SUSD5: variants seen among roughly 807,000 people sequenced by gnomAD.
SUSD5 encodes the protein sushi domain containing 5.
A neutral mutation model predicts 29.5 loss-of-function variants in SUSD5; 33 were observed. The ratio of observed to expected loss-of-function variants is 1.12; its 90% CI spans 0.85 to 1.49. The LOEUF (loss-of-function observed/expected upper bound fraction) is 1.49, where lower values mean the gene tolerates loss of function less well. SUSD5 is among the 40% of genes most tolerant of loss of function. SUSD5 has a pLI of 0.00. For missense variants in SUSD5, 776 were observed against 800.6 expected (o/e 0.97, Z 0.37); for synonymous variants, 308 against 325.3 (o/e 0.95, Z 0.57).
intron 4 of SUSD5, among the ~76,000 whole-genome samples, chr3:33,169,757 C>T (rs1470534694): frequency 6.6e-6 from 1 of 152,094 alleles, no homozygotes; most frequent in Admixed American, 6.5e-5. Flanking sequence ...TCAGAGGCGG[C>T]GAGGCTGGTG....
intron 4 of SUSD5, among the ~76,000 whole-genome samples, chr3:33,154,557 C>T (rs977313030): frequency 6.7e-6 from 1 of 149,736 alleles, no homozygotes; most frequent in Non-Finnish European, 1.5e-5. Context: ...AAAACAACAA[C>T]AACAAAAAAC....
At chr3:33,160,001 A>T (rs1160814616) in intron 4 of SUSD5, among the ~76,000 whole-genome samples, 2 of 152,214 alleles carry the variant, frequency 1.3e-5, no homozygotes, top group Non-Finnish European at 2.9e-5. Flanking sequence ...GATGGAGAGA[A>T]CCAGACCAGT....
intron 4 of SUSD5, among the ~76,000 whole-genome samples, chr3:33,166,030 A>G (rs903704651): frequency 2.8e-5 from 4 of 144,032 alleles, no homozygotes; most frequent in Non-Finnish European, 3.1e-5. Flanking sequence ...AAAAAAAAGG[A>G]AAGAAAAGGA....
At chr3:33,205,001 A>G (rs752333731) in intron 3 of SUSD5, among the ~76,000 whole-genome samples, 7 of 151,596 alleles carry the variant, frequency 4.6e-5, no homozygotes, top group East Asian at 3.9e-4. Flanking sequence ...ACACACACAC[A>G]CGTGTGTGTG....
At chr3:33,176,813 G>A (rs902673316) in intron 3 of SUSD5, among the ~76,000 whole-genome samples, 1 of 152,262 alleles carries the variant, frequency 6.6e-6, no homozygotes, top group Non-Finnish European at 1.5e-5. Context: ...TTTTGCATGT[G>A]GATGTCCAAT....
At chr3:33,193,814 C>T (rs2031943761) in intron 3 of SUSD5, among the ~76,000 whole-genome samples, 1 of 152,166 alleles carries the variant, frequency 6.6e-6, no homozygotes, top group South Asian at 2.1e-4. Context: ...ATGGGCCAAA[C>T]TAACTTTGTG....
chr3:33,210,492 C>A (rs1415451896), intron 2 of SUSD5, among the ~76,000 whole-genome samples: 1 of 152,206 alleles, frequency 6.6e-6, no homozygotes, highest in Non-Finnish European at 1.5e-5. Context: ...TTCCAGGAGA[C>A]AAGTGGCCCA....
In SUSD5 at chr3:33,218,732, C is replaced by T; in HGVS notation, c.66G>A (p.Ala22=). ...GCGGCAGACCGAGCAGGAGCAGCGC[C>T]GCCGCCCAGAGCCCGGGGAGGCGTC... is the stretch of plus-strand genomic sequence containing the variant. The part of the protein sequence containing the change: ...WHRRLPGLWA[A]ALLLLGLPRL... Residue 22 remains alanine, a synonymous_variant, in exon 1 of 5, where the codon GCG becomes GCA. Transcript: ENST00000309558. 1 of 1,356,934 alleles carries T rather than the reference C, an allele frequency of 7.4e-7. No individual in the cohort carries two copies. The highest frequency in any genetic ancestry group is 9.4e-7 in the Non-Finnish European group (1 of 1,059,738). The allele number at this position is 1,356,934 out of a possible 1,614,324, so 84.1% of individuals were successfully genotyped here.
chr3:33,167,706 TTTTTCTCCCC>T lies in SUSD5; in HGVS notation c.598+7170_598+7179del, dbSNP rs2031333498. ...CTTATGAAGAAGTATCCAAAGCTTA[TTTTTCTCCCC>T]ATGGGGAACAGTAACATTTGTTATT... On this transcript the variant is annotated intron_variant, in intron 4 of 4. Transcript: ENST00000309558. This position sits in a 1 kb window ranked among gnomAD's most constrained non-coding sequence, Gnocchi z 4.1. 1.3e-5 allele frequency among the ~76,000 whole-genome samples: 2 copies of T among 152,316 alleles called. No homozygotes were observed. Among genetic ancestry groups the T allele is most frequent in the South Asian group, 4.1e-4 (2 of 4,828 alleles).
chr3:33,196,231 G>A (rs2031993063), intron 3 of SUSD5, among the ~76,000 whole-genome samples: 1 of 152,156 alleles, frequency 6.6e-6, no homozygotes. Context: ...GCCATGAAAA[G>A]GGGAAAAACA....
intron 1 of SUSD5, among the ~76,000 whole-genome samples, chr3:33,215,787 A>G (rs892582353): frequency 6.6e-6 from 1 of 152,200 alleles, no homozygotes; most frequent in Non-Finnish European, 1.5e-5. Context: ...AGAAATCCCA[A>G]CTGAAATAAA....
At chr3:33,154,749 T>G (rs4258905) in intron 4 of SUSD5, among the ~76,000 whole-genome samples, 2 of 152,064 alleles carry the variant, frequency 1.3e-5, no homozygotes, top group East Asian at 3.9e-4. Flanking sequence ...TGGAATGATA[T>G]AAGACATTGC....
chr3:33,150,869 C>G lies in SUSD5; in HGVS notation c.*1873G>C, dbSNP rs1222025693. On this transcript the variant is annotated 3_prime_UTR_variant, in exon 5 of 5. Coordinates refer to ENST00000309558, the MANE Select transcript of SUSD5 (RefSeq NM_015551.2). ...CCTCTACCACACAAAAACACTTAGA[C>G]TGCTATGGTGTCTCAAAATAAATGT... The G allele has an allele frequency of 6.6e-6, 1 of 152,202 alleles. No homozygotes were observed. The highest frequency in any genetic ancestry group is 1.5e-5 in the Non-Finnish European group (1 of 68,040). 9.4% of individuals were successfully genotyped at this position (152,202 alleles called of 1,614,324 possible).
chr3:33,192,608 G>GACC (rs1475022956), intron 3 of SUSD5, among the ~76,000 whole-genome samples: 3 of 151,232 alleles, frequency 2.0e-5, no homozygotes, highest in African/African-American at 7.3e-5. Context: ...AGGAGTTCAA[G>GACC]ACCAGCCTGA....
rs144377358 is a variant in SUSD5, at chr3:33,175,563, CTA to C, written c.410-491_410-490del. On this transcript the variant is annotated intron_variant, in intron 3 of 4. Coordinates refer to ENST00000309558, the MANE Select transcript of SUSD5 (RefSeq NM_015551.2). Reference sequence around the variant, plus strand: ...CACAAAAATTACACACACACACACACTATATATATATATACACACACACACAT... The same window carrying C: ...CACAAAAATTACACACACACACACACTATATATATATACACACACACACAT... Among the ~76,000 whole-genome samples, 25 of 150,166 alleles carry C rather than the reference CTA, an allele frequency of 1.7e-4. No homozygotes were observed. The East Asian group carries it at 1.8e-3, about 11-fold the overall frequency.
At chr3:33,199,764 C>A (rs185394972) in intron 3 of SUSD5, among the ~76,000 whole-genome samples, 65 of 152,084 alleles carry the variant, frequency 4.3e-4, no homozygotes, top group Non-Finnish European at 8.7e-4. Context: ...TTTTGGGAGG[C>A]GATTAGGCCA....
intron 4 of SUSD5, among the ~76,000 whole-genome samples, chr3:33,159,295 C>G (rs960308759): frequency 1.3e-5 from 2 of 152,176 alleles, no homozygotes; most frequent in African/African-American, 4.8e-5. Flanking sequence ...GAATTCTACC[C>G]AAATAACCAA....
Position 33,153,013 on chromosome 3 carries a change from T to C in SUSD5, c.1619A>G (p.Asp540Gly), listed in dbSNP as rs1162307233. Residue 540 changes from aspartate (D) to glycine (G), a missense_variant, in exon 5 of 5, where the codon GAC becomes GGC. Coordinates refer to ENST00000309558, the MANE Select transcript of SUSD5 (RefSeq NM_015551.2). ...QDSFPYLLSE[D>G]FFGQEGPGPG... ...CCCGGGGCCTTCCTGTCCAAAGAAG[T>C]CTTCAGACAGCAGGTATGGGAAGCT... The C allele has an allele frequency of 1.9e-6, 3 of 1,613,788 alleles. No homozygotes were observed. The highest frequency in any genetic ancestry group is 2.5e-6 in the Non-Finnish European group (3 of 1,179,800).
intron 3 of SUSD5, among the ~76,000 whole-genome samples, chr3:33,178,098 T>G (rs1359368660): frequency 1.3e-5 from 2 of 152,224 alleles, no homozygotes; most frequent in Non-Finnish European, 1.5e-5. Flanking sequence ...ATGTTAGCTG[T>G]AGGTTTTTTT....
Sources: gnomAD v4.1 joint callset for allele counts (sites outside exome capture counted in the v4.1 genomes callset) on GRCh38, gnomAD v4.1.1 for gene constraint, Gnocchi (gnomAD v3.1) non-coding constraint, MANE v1.5 for transcripts, NCBI Gene and HGNC (gene_info 2026-07-23, HGNC 2026-07-21) for gene names.